JPH1: variants seen among roughly 807,000 people sequenced by gnomAD.
The protein encoded by JPH1 is junctophilin 1, also known as junctophilin-1.
In JPH1, 12 loss-of-function variants were observed where a neutral mutation model predicts 53.6. That is an observed-to-expected ratio of 0.22 (90% CI 0.14 to 0.36). The LOEUF is 0.36. Ranked by LOEUF, JPH1 falls within the 10% of genes least tolerant of loss-of-function variation. JPH1 has a pLI of 1.00. For synonymous variants in JPH1, 375 were observed against 363.8 expected (o/e 1.03, Z -0.35); for missense variants, 808 against 905.5 (o/e 0.89, Z 1.38).
chr8:74,305,182 G>C (rs1245792715), intron 2 of JPH1, among the ~76,000 whole-genome samples: 3 of 152,232 alleles, frequency 2.0e-5, no homozygotes, highest in East Asian at 1.9e-4. Context: ...CAAGGCACTA[G>C]TCTTGCAAGC....
At chr8:74,239,557 C>T (rs1417469784) in intron 4 of JPH1, among the ~76,000 whole-genome samples, 1 of 152,112 alleles carries the variant, frequency 6.6e-6, no homozygotes, top group Non-Finnish European at 1.5e-5. Flanking sequence ...TAATTTAGAG[C>T]ATAGAAATAA....
At chr8:74,252,800 A>G (rs1806104072) in intron 3 of JPH1, among the ~76,000 whole-genome samples, 1 of 152,012 alleles carries the variant, frequency 6.6e-6, no homozygotes, top group South Asian at 2.1e-4. Context: ...AGACAAGGCC[A>G]TTACATAATG....
chr8:74,245,110 C>T lies in JPH1; in HGVS notation c.1324G>A (p.Val442Ile). ...VDAKENPEEK[V>I]PEKPPTPKES... Reference sequence around the variant, plus strand: ...TTTGGTGTAGGTGGCTTTTCTGGTACCTTTTCTTCTGGATTTTCTTTAGCA... The same window carrying T: ...TTTGGTGTAGGTGGCTTTTCTGGTATCTTTTCTTCTGGATTTTCTTTAGCA... Residue 442 changes from valine to isoleucine, a missense_variant, in exon 4 of 6, where the codon GTA (valine) becomes ATA (isoleucine). Physicochemically the swap from Val to Ile is conservative, Grantham distance 29. Around this residue, in one of 2 missense-constraint regions of JPH1, gnomAD observed 756 missense variants for 811.9 expected, o/e 0.93. Coordinates refer to ENST00000342232, the MANE Select transcript of JPH1 (RefSeq NM_020647.4). The T allele has an allele frequency of 6.2e-7, 1 of 1,609,302 alleles. No individual in the cohort carries two copies. Among genetic ancestry groups the T allele is most frequent in the Non-Finnish European group, 8.5e-7 (1 of 1,178,656 alleles).
chr8:74,254,120 T>C (rs1402019130), intron 3 of JPH1, among the ~76,000 whole-genome samples: 6 of 152,112 alleles, frequency 3.9e-5, no homozygotes, highest in East Asian at 1.9e-4. Context: ...ATATCCTTGA[T>C]GAACACTGAT....
chr8:74,315,329 C>A lies in JPH1; in HGVS notation c.671G>T (p.Arg224Leu). The A allele has an allele frequency of 1.9e-6, 3 of 1,613,720 alleles. No individual in the cohort carries two copies. Among genetic ancestry groups the A allele is most frequent in the South Asian group, 1.1e-5 (1 of 91,082 alleles). ...RGSLLGSMKL[R>L]KSESKSSISS... ...GATGGAAGACTTGGATTCGGACTTG[C>A]GAAGTTTCATGCTTCCAAGAAGGGA... Residue 224 changes from arginine (R) to leucine (L), a missense_variant, in exon 2 of 6, where the codon CGC becomes CTC. By Grantham distance (102) the Arg-to-Leu change is moderately radical. Transcript: ENST00000342232. The surrounding 1 kb of genome is among the most constrained non-coding windows in gnomAD (Gnocchi z 6.3).
intron 2 of JPH1, among the ~76,000 whole-genome samples, chr8:74,289,918 G>A (rs951027754): frequency 6.6e-6 from 1 of 152,186 alleles, no homozygotes; most frequent in Non-Finnish European, 1.5e-5. Flanking sequence ...CAGGGATAAA[G>A]CCAACTTGAT....
At chr8:74,248,074 T>C (rs775582036) in intron 3 of JPH1, among the ~76,000 whole-genome samples, 63 of 152,232 alleles carry the variant, frequency 4.1e-4, no homozygotes, top group Non-Finnish European at 7.3e-4. Context: ...TAATCACTTC[T>C]TTAACCTTTA....
chr8:74,286,717 A>C (rs1042015877), intron 2 of JPH1, among the ~76,000 whole-genome samples: 1 of 152,210 alleles, frequency 6.6e-6, no homozygotes, highest in Non-Finnish European at 1.5e-5. Flanking sequence ...TATCTTCTCC[A>C]TTACACTGGA....
At chr8:74,255,024 C>T (rs1290416641) in intron 3 of JPH1, among the ~76,000 whole-genome samples, 1 of 152,134 alleles carries the variant, frequency 6.6e-6, no homozygotes, top group African/African-American at 2.4e-5. Context: ...TGACTTTCTC[C>T]ACAGAATTGG....
intron 3 of JPH1, among the ~76,000 whole-genome samples, chr8:74,252,325 A>G (rs180914972): frequency 9.1e-4 from 138 of 152,322 alleles, no homozygotes; most frequent in African/African-American, 2.9e-3. Context: ...GACAAATGGG[A>G]TCTATTTAAA....
intron 2 of JPH1, among the ~76,000 whole-genome samples, chr8:74,281,033 G>A (rs755755811): frequency 6.6e-6 from 1 of 152,304 alleles, no homozygotes; most frequent in South Asian, 2.1e-4. Flanking sequence ...CTCAGCTCAT[G>A]TTCTTTCCTC....
chr8:74,248,183 T>C (rs922663629), intron 3 of JPH1, among the ~76,000 whole-genome samples: 2 of 152,226 alleles, frequency 1.3e-5, no homozygotes, highest in Admixed American at 1.3e-4. Context: ...TCTGCTAAGA[T>C]GAGTTTAGGT....
At chr8:74,304,079 G>T (rs75083768) in intron 2 of JPH1, among the ~76,000 whole-genome samples, 2,856 of 152,264 alleles carry the variant, frequency 0.019, 85 homozygotes, top group African/African-American at 0.061. Flanking sequence ...TCTGGATGCA[G>T]CCTGCAGACA....
intron 2 of JPH1, among the ~76,000 whole-genome samples, chr8:74,286,011 G>C (rs988020304): frequency 6.6e-6 from 1 of 152,110 alleles, no homozygotes; most frequent in Admixed American, 6.6e-5. Flanking sequence ...CAAAAAATAC[G>C]GAAAGTTAAA....
chr8:74,316,530 C>T (rs35928576), intron 1 of JPH1, among the ~76,000 whole-genome samples: 6,387 of 152,182 alleles, frequency 0.042, 151 homozygotes, highest in East Asian at 0.079. Context: ...ACTATGTTGA[C>T]GGTAAAAAGC....
chr8:74,271,651 A>T (rs964753498), intron 2 of JPH1, among the ~76,000 whole-genome samples: 2 of 152,194 alleles, frequency 1.3e-5, no homozygotes, highest in East Asian at 3.8e-4. Flanking sequence ...AATGTATTTA[A>T]AATTTTGGAC....
chr8:74,315,228 T>C lies in JPH1; in HGVS notation c.772A>G (p.Ser258Gly), dbSNP rs1292945678. 5 of 1,614,222 alleles carry C rather than the reference T, an allele frequency of 3.1e-6. No individual in the cohort carries two copies. Among genetic ancestry groups the C allele is most frequent in the Non-Finnish European group, 4.2e-6 (5 of 1,180,034 alleles). Residue 258 changes from serine (S) to glycine (G), a missense_variant, in exon 2 of 6, where the codon AGC (serine) becomes GGC (glycine). Ser to Gly is a moderately conservative substitution (Grantham distance 56). Transcript: ENST00000342232. The surrounding 1 kb of genome is among the most constrained non-coding windows in gnomAD (Gnocchi z 6.3). Reference sequence around the variant, plus strand: ...AAATCACAATCTACATCGCCAAAGCTGATCGTGGAGTTGGCATCGCTGGAA... The same window carrying C: ...AAATCACAATCTACATCGCCAAAGCCGATCGTGGAGTTGGCATCGCTGGAA... The part of the protein sequence containing the change: ...ISSSDANSTI[S>G]FGDVDCDFCP...
At chr8:74,266,862 G>A (rs1459714407) in intron 2 of JPH1, among the ~76,000 whole-genome samples, 1 of 152,184 alleles carries the variant, frequency 6.6e-6, no homozygotes, top group African/African-American at 2.4e-5. Context: ...AGAGGAAACA[G>A]CTGTAATGTA....
chr8:74,239,380 G>A (rs1805629378), intron 4 of JPH1, among the ~76,000 whole-genome samples: 1 of 152,062 alleles, frequency 6.6e-6, no homozygotes, highest in Admixed American at 6.5e-5. Context: ...TTAGTTTAAA[G>A]GCAATTTCCC....
Sources: gnomAD v4.1 joint callset for allele counts (sites outside exome capture counted in the v4.1 genomes callset) on GRCh38, gnomAD v4.1.1 for gene constraint, gnomAD v4.1.1 regional missense constraint, Gnocchi (gnomAD v3.1) non-coding constraint, MANE v1.5 for transcripts, NCBI Gene and HGNC (gene_info 2026-07-23, HGNC 2026-07-21) for gene names.